The following SNX29 variants were observed in gnomAD, a reference collection of about 807,000 sequenced individuals.
SNX29 encodes the protein sorting nexin 29, also known as sorting nexin-29.
A neutral mutation model predicts 102.1 loss-of-function variants in SNX29; 78 were observed. The observed-to-expected ratio is 0.76, with a 90% confidence interval of 0.64 to 0.92. The LOEUF (loss-of-function observed/expected upper bound fraction) is 0.92. Among genes scored for constraint, SNX29 ranks in the 40% least tolerant of loss-of-function variants. SNX29 has a pLI of 0.00. For synonymous variants in SNX29, 580 were observed against 414.5 expected (o/e 1.40, Z -4.85); for missense variants, 1,280 against 1,061.7 (o/e 1.21, Z -2.86).
At position 12,380,649 on chromosome 16, in the gene SNX29, AC is replaced by A. The variant is rs1487236769; in HGVS notation, c.1900-17795del. On this transcript the variant is annotated intron_variant, in intron 16 of 20. Coordinates refer to ENST00000566228, the MANE Select transcript of SNX29 (RefSeq NM_032167.5). ...CCACCCACCATCCATCCATCCACCC[AC>A]CATCCATCCACCCACCCACCATCCA... 1.4e-3 allele frequency among the ~76,000 whole-genome samples: 84 copies of A among 59,122 alleles called. 1 individual carries two copies. Among genetic ancestry groups the A allele is most frequent in the African/African-American group, 6.6e-3 (80 of 12,092 alleles). 38.8% of individuals were successfully genotyped at this position (59,122 alleles called of 152,430 possible). A position where few individuals can be genotyped will look rare whatever the true frequency, so the allele number is the denominator to read the frequency against.
intron 18 of SNX29, among the ~76,000 whole-genome samples, chr16:12,437,126 C>G (rs2085573820): frequency 6.6e-6 from 1 of 152,246 alleles, no homozygotes; most frequent in Non-Finnish European, 1.5e-5. Flanking sequence ...CATAAAGAAT[C>G]ATGGGGGTTT....
chr16:12,180,173 C>T (rs78829104), intron 13 of SNX29, among the ~76,000 whole-genome samples: 25,169 of 151,650 alleles, frequency 0.17, 2,217 homozygotes, highest in East Asian at 0.27. Flanking sequence ...ATATCCTTTT[C>T]TTTTTCTAAA....
rs143996729 is a variant in SNX29, at chr16:12,068,692, G to A, written c.1244-365G>A. On this transcript the variant is annotated intron_variant, in intron 9 of 20. Coordinates refer to ENST00000566228, the MANE Select transcript of SNX29 (RefSeq NM_032167.5). ...CCCGAGTAGTTGGGATTACAGTCGTGCACCAACACGCCCAGCTAATTTTTG... is the reference window on the plus strand; with the variant it reads ...CCCGAGTAGTTGGGATTACAGTCGTACACCAACACGCCCAGCTAATTTTTG... Among the ~76,000 whole-genome samples, 1,114 of 152,178 alleles carry A rather than the reference G, an allele frequency of 7.3e-3. 14 individuals are homozygous for A. The highest frequency in any genetic ancestry group is 0.026 in the African/African-American group (1,060 of 41,524).
intron 16 of SNX29, among the ~76,000 whole-genome samples, chr16:12,356,504 C>T (rs1305912101): frequency 6.6e-6 from 1 of 152,196 alleles, no homozygotes; most frequent in Non-Finnish European, 1.5e-5. Context: ...TTCTAGTCAT[C>T]TATAGTTAAA....
Position 12,572,042 on chromosome 16 carries a change from G to T in SNX29, c.*3413G>T. 2.0e-5 allele frequency: 21 copies of T among 1,063,570 alleles called. No individual in the cohort carries two copies. The highest frequency in any genetic ancestry group is 2.3e-5 in the Non-Finnish European group (20 of 878,174). 65.9% of individuals were successfully genotyped at this position (1,063,570 alleles called of 1,614,324 possible). ...GCTATAAAAGGGATCATCCAGTGGAGTTGTAAACAAGGGAACCATCTTGCA... is the reference window on the plus strand; with the variant it reads ...GCTATAAAAGGGATCATCCAGTGGATTTGTAAACAAGGGAACCATCTTGCA... On this transcript the variant is annotated 3_prime_UTR_variant, in exon 21 of 21. Coordinates refer to ENST00000566228, the MANE Select transcript of SNX29 (RefSeq NM_032167.5).
intron 18 of SNX29, among the ~76,000 whole-genome samples, chr16:12,476,386 AT>A (rs1567603143): frequency 1.0e-4 from 1 of 9,854 alleles, no homozygotes; most frequent in African/African-American, 5.4e-4. Flanking sequence ...AAAAAAAAAT[AT>A]ATATATATAT....
chr16:12,230,833 T>TATGG (rs1411651931), intron 14 of SNX29, among the ~76,000 whole-genome samples: 2 of 104,998 alleles, frequency 1.9e-5, no homozygotes, highest in Admixed American at 1.9e-4. Flanking sequence ...TGTATGTATG[T>TATGG]ATGTATGTAT....
chr16:12,413,115 A>G (rs559625682), intron 18 of SNX29, among the ~76,000 whole-genome samples: 1 of 152,258 alleles, frequency 6.6e-6, no homozygotes, highest in African/African-American at 2.4e-5. Context: ...CACAGTTGTC[A>G]CTGAGTATTT....
chr16:12,168,829 T>C (rs1393717115), intron 13 of SNX29, among the ~76,000 whole-genome samples: 1 of 152,204 alleles, frequency 6.6e-6, no homozygotes, highest in African/African-American at 2.4e-5. Flanking sequence ...GGAGAAAAGC[T>C]CTTAGAAGAG....
At chr16:12,077,754 G>C (rs1326825468) in intron 10 of SNX29, among the ~76,000 whole-genome samples, 3 of 152,074 alleles carry the variant, frequency 2.0e-5, no homozygotes, top group Non-Finnish European at 4.4e-5. Flanking sequence ...CCAAGTAGCT[G>C]GGATTACAGG....
intron 4 of SNX29, among the ~76,000 whole-genome samples, chr16:12,039,249 C>T (rs1367334535): frequency 2.6e-5 from 4 of 152,360 alleles, no homozygotes; most frequent in East Asian, 3.9e-4. Flanking sequence ...GCACTGTGCT[C>T]GGTGCTTTCC....
At chr16:12,004,891 A>C (rs1221319553) in intron 3 of SNX29, among the ~76,000 whole-genome samples, 1 of 152,206 alleles carries the variant, frequency 6.6e-6, no homozygotes, top group Non-Finnish European at 1.5e-5. Flanking sequence ...AATTTTGCCT[A>C]TTACCTGTCA....
At chr16:12,004,672 C>G (rs535416046) in intron 3 of SNX29, among the ~76,000 whole-genome samples, 1 of 152,282 alleles carries the variant, frequency 6.6e-6, no homozygotes, top group South Asian at 2.1e-4. Flanking sequence ...TCCATCGTTC[C>G]TCTTTCTGTC....
intron 19 of SNX29, among the ~76,000 whole-genome samples, chr16:12,516,499 A>C (rs1428581077): frequency 6.6e-6 from 1 of 151,106 alleles, no homozygotes; most frequent in Non-Finnish European, 1.5e-5. Context: ...AAAAAAAAAA[A>C]AGGTGCAGGA....
chr16:12,386,359 C>T (rs934711815), intron 16 of SNX29, among the ~76,000 whole-genome samples: 1 of 152,184 alleles, frequency 6.6e-6, no homozygotes, highest in East Asian at 1.9e-4. Context: ...TACAACAAAC[C>T]TCTGAGGGAG....
At position 12,570,978 on chromosome 16, in the gene SNX29, T is replaced by TC. The variant is rs562686228; in HGVS notation, c.*2354dup. 1.7e-4 allele frequency: 40 copies of TC among 231,820 alleles called. No homozygotes were observed. The highest frequency in any genetic ancestry group is 3.0e-4 in the Non-Finnish European group (35 of 117,222). 14.4% of individuals were successfully genotyped at this position (231,820 alleles called of 1,614,324 possible). On this transcript the variant is annotated 3_prime_UTR_variant, in exon 21 of 21. Coordinates refer to ENST00000566228, the MANE Select transcript of SNX29 (RefSeq NM_032167.5). ...TCCCCAGCTGCCTGCTCCTGGTACC[T>TC]CCCCCATGATCATGCACAGACCGTA...
chr16:12,471,718 A>G (rs2087349702), intron 18 of SNX29, among the ~76,000 whole-genome samples: 1 of 152,278 alleles, frequency 6.6e-6, no homozygotes, highest in Admixed American at 6.5e-5. Context: ...TTTTAAATTC[A>G]GGATTAACAT....
At chr16:12,476,397 T>TATATATATATACAC (rs2087623686) in intron 18 of SNX29, among the ~76,000 whole-genome samples, 1 of 19,578 alleles carries the variant, frequency 5.1e-5, no homozygotes, top group Non-Finnish European at 7.4e-5. Context: ...TATATATATA[T>TATATATATATACAC]ATATATATAT....
At chr16:12,517,645 G>C (rs895447114) in intron 19 of SNX29, among the ~76,000 whole-genome samples, 1 of 152,176 alleles carries the variant, frequency 6.6e-6, no homozygotes, top group Non-Finnish European at 1.5e-5. Flanking sequence ...GATAGGCTCC[G>C]GCGATAAAGG....
Sources: gnomAD v4.1 joint callset for allele counts (sites outside exome capture counted in the v4.1 genomes callset) on GRCh38, gnomAD v4.1.1 for gene constraint, MANE v1.5 for transcripts, NCBI Gene and HGNC (gene_info 2026-07-23, HGNC 2026-07-21) for gene names.